Variants in MYCN observed in about 807,000 individuals in gnomAD.
The protein encoded by MYCN is N-myc proto-oncogene protein.
Under a neutral mutation model 28.1 loss-of-function variants are expected in MYCN, and 3 were observed. The ratio of observed to expected loss-of-function variants is 0.11; its 90% CI spans 0.05 to 0.28. The LOEUF (loss-of-function observed/expected upper bound fraction) is 0.28, where lower values mean the gene tolerates loss of function less well. Among genes scored for constraint, MYCN ranks in the 10% least tolerant of loss-of-function variants. The probability of loss-of-function intolerance (pLI) is 1.00; values close to 1 mark genes in which losing one functional copy is unlikely to be tolerated. For missense variants in MYCN, 572 were observed against 651.4 expected, an observed-to-expected ratio of 0.88 and a Z score of 1.33; for synonymous variants, 326 against 288.3, an observed-to-expected ratio of 1.13 and a Z score of -1.32.
Position 15,945,911 on chromosome 2 carries a change from G to A in MYCN, c.1209G>A (p.Thr403=), listed in dbSNP as rs965818257. 5 of 1,614,108 alleles carry A rather than the reference G, an allele frequency of 3.1e-6. No individual in the cohort carries two copies. Among genetic ancestry groups the A allele is most frequent in the South Asian group, 1.1e-5 (1 of 91,078 alleles). The part of the protein sequence containing the change: ...RRNDLRSSFL[T]LRDHVPELVK... ...ACGACCTTCGGTCCAGCTTTCTCAC[G>A]CTCAGGGACCACGTGCCGGAGTTGG... The change falls in exon 3 of 3, where the codon ACG becomes ACA. Residue 403 remains threonine, a synonymous_variant. Coordinates refer to ENST00000281043, the MANE Select transcript of MYCN (RefSeq NM_005378.6). The surrounding 1 kb of genome is among the most constrained non-coding windows in gnomAD (Gnocchi z 4.8).
chr2:15,945,716 C>T lies in MYCN; in HGVS notation c.1014C>T (p.Tyr338=), dbSNP rs367962377. 18 of 1,613,930 alleles carry T rather than the reference C, an allele frequency of 1.1e-5. No homozygotes were observed. Among genetic ancestry groups the T allele is most frequent in the Admixed American group, 3.3e-5 (2 of 60,000 alleles). The change falls in exon 3 of 3, where the codon TAC becomes TAT. Residue 338 remains tyrosine (Y), a synonymous_variant. Transcript: ENST00000281043. The surrounding 1 kb of genome is among the most constrained non-coding windows in gnomAD (Gnocchi z 4.8). ...ACAACTATGCCGCCCCCTCTCCCTA[C>T]GTGGAGAGTGAGGATGCACCCCCAC... The part of the protein sequence containing the change: ...QQHNYAAPSP[Y]VESEDAPPQK...
At position 15,942,369 on chromosome 2, in the gene MYCN, T is replaced by C; in HGVS notation, c.305T>C (p.Leu102Pro). The C allele has an allele frequency of 6.2e-7, 1 of 1,607,250 alleles. No homozygotes were observed. Among genetic ancestry groups the C allele is most frequent in the Non-Finnish European group, 8.5e-7 (1 of 1,178,096 alleles). ...AEEDAFGLGGLGGLTPNPVIL... is the reference protein window; with the variant it reads ...AEEDAFGLGGPGGLTPNPVIL... Reference sequence around the variant, plus strand: ...GAGGACGCGTTCGGCCTGGGGGGACTGGGTGGCCTCACCCCCAACCCGGTC... The same window carrying C: ...GAGGACGCGTTCGGCCTGGGGGGACCGGGTGGCCTCACCCCCAACCCGGTC... The change falls in exon 2 of 3, where the codon CTG (leucine) becomes CCG (proline). Residue 102 changes from leucine (L) to proline (P), a missense_variant. By Grantham distance (98) the Leu-to-Pro change is moderately conservative (BLOSUM62 -3). Transcript: ENST00000281043. The surrounding 1 kb of genome is among the most constrained non-coding windows in gnomAD (Gnocchi z 7.0).
In MYCN at chr2:15,946,371, GA is replaced by G; in HGVS notation, c.*276del. ...ACGGTTGGGAGCCTCTGGGGCTGTT[GA>G]AGTCACCTTGTGTGTTCCAAGTTTC... On this transcript the variant is annotated 3_prime_UTR_variant, in exon 3 of 3. Coordinates refer to ENST00000281043, the MANE Select transcript of MYCN (RefSeq NM_005378.6). 7.7e-6 allele frequency: 4 copies of G among 519,136 alleles called. No homozygotes were observed. The highest frequency in any genetic ancestry group is 1.4e-5 in the Non-Finnish European group (4 of 286,216). 32.2% of individuals were successfully genotyped at this position (519,136 alleles called of 1,614,324 possible). A position where few individuals can be genotyped will look rare whatever the true frequency, so the allele number is the denominator to read the frequency against.
rs1273102078 is a variant in MYCN, at chr2:15,941,747, C to G, written c.-117-201C>G. On this transcript the variant is annotated intron_variant, in intron 1 of 2. Transcript: ENST00000281043. This position sits in a 1 kb window ranked among gnomAD's most constrained non-coding sequence, Gnocchi z 4.8. ...CTGCATCTGCATGCCCCCTCCCACC[C>G]CCTGTCGTAGACAGCTTGTACACAA... 2.0e-6 allele frequency: 1 copy of G among 496,818 alleles called. No homozygotes were observed. Among genetic ancestry groups the G allele is most frequent in the Non-Finnish European group, 3.6e-6 (1 of 275,330 alleles). 30.8% of individuals were successfully genotyped at this position (496,818 alleles called of 1,614,324 possible). A position where few individuals can be genotyped will look rare whatever the true frequency, so the allele number is the denominator to read the frequency against.
In MYCN at chr2:15,945,180, A is replaced by G. The variant is rs1031725899; in HGVS notation, c.791-313A>G. ...ACACCCAGCAAAGTTTTGTATTTTT[A>G]GTAGAGACAGGGTTTCACCATGTTG... On this transcript the variant is annotated intron_variant, in intron 2 of 2. Transcript: ENST00000281043. The surrounding 1 kb of genome is among the most constrained non-coding windows in gnomAD (Gnocchi z 4.8). 6.6e-6 allele frequency among the ~76,000 whole-genome samples: 1 copy of G among 152,002 alleles called. No individual in the cohort carries two copies. The highest frequency in any genetic ancestry group is 2.4e-5 in the African/African-American group (1 of 41,386).
rs1662883131 is a variant in MYCN, at chr2:15,946,691, C to G, written c.*594C>G. The G allele has an allele frequency of 4.3e-6, 1 of 233,960 alleles. No homozygotes were observed. The highest frequency in any genetic ancestry group is 2.2e-5 in the African/African-American group (1 of 45,188). The allele number at this position is 233,960 out of a possible 1,614,324, so 14.5% of individuals were successfully genotyped here. A position where few individuals can be genotyped will look rare whatever the true frequency, so the allele number is the denominator to read the frequency against. On this transcript the variant is annotated 3_prime_UTR_variant, in exon 3 of 3. Transcript: ENST00000281043. ...TACTAATTCTTACACTGCCTGTATA[C>G]TTTAGTATGACGCTGATACATAACT...
chr2:15,946,491 C>T lies in MYCN; in HGVS notation c.*394C>T, dbSNP rs141300189. Reference sequence around the variant, plus strand: ...TTTGCCATTTGATACCCCTGGGGAACATTTCTGTAAATACCATTGACACAT... The same window carrying T: ...TTTGCCATTTGATACCCCTGGGGAATATTTCTGTAAATACCATTGACACAT... On this transcript the variant is annotated 3_prime_UTR_variant, in exon 3 of 3. Transcript: ENST00000281043. The T allele has an allele frequency of 1.0e-3, 400 of 387,224 alleles. 6 individuals carry two copies. In the East Asian group the frequency reaches 0.017, roughly 17 times the overall value. The allele number at this position is 387,224 out of a possible 1,614,324, so 24.0% of individuals were successfully genotyped here. A position where few individuals can be genotyped will look rare whatever the true frequency, so the allele number is the denominator to read the frequency against.
chr2:15,941,807 C>T lies in MYCN; in HGVS notation c.-117-141C>T. 1 of 589,350 alleles carries T rather than the reference C, an allele frequency of 1.7e-6. No homozygotes were observed. The highest frequency in any genetic ancestry group is 1.9e-5 in the African/African-American group (1 of 53,770). The allele number at this position is 589,350 out of a possible 1,614,324, so 36.5% of individuals were successfully genotyped here. ...GGGAGGGAGGGAGCGAGAGGCACAACTTCCTCCACCTTCGGGAGCAGTGGG... is the reference window on the plus strand; with the variant it reads ...GGGAGGGAGGGAGCGAGAGGCACAATTTCCTCCACCTTCGGGAGCAGTGGG... On this transcript the variant is annotated intron_variant, in intron 1 of 2. Coordinates refer to ENST00000281043, the MANE Select transcript of MYCN (RefSeq NM_005378.6). This position sits in a 1 kb window ranked among gnomAD's most constrained non-coding sequence, Gnocchi z 4.8.
In MYCN at chr2:15,941,216, C is replaced by T. The variant is rs1166314039; in HGVS notation, c.-118+473C>T. The T allele has an allele frequency of 6.5e-6, 1 of 153,236 alleles. No homozygotes were observed. The highest frequency in any genetic ancestry group is 6.5e-5 in the Admixed American group (1 of 15,304). 9.5% of individuals were successfully genotyped at this position (153,236 alleles called of 1,614,324 possible). A position where few individuals can be genotyped will look rare whatever the true frequency, so the allele number is the denominator to read the frequency against. ...CCCGGCGACCCTCCTCGCGCGGGCGCCCCTGCCATTCCCGGGAACAGGGGC... is the reference window on the plus strand; with the variant it reads ...CCCGGCGACCCTCCTCGCGCGGGCGTCCCTGCCATTCCCGGGAACAGGGGC... On this transcript the variant is annotated intron_variant, in intron 1 of 2. Coordinates refer to ENST00000281043, the MANE Select transcript of MYCN (RefSeq NM_005378.6). This position sits in a 1 kb window ranked among gnomAD's most constrained non-coding sequence, Gnocchi z 4.8.
Position 15,942,942 on chromosome 2 carries a change from T to G in MYCN, c.790+88T>G. 1 of 1,465,766 alleles carries G rather than the reference T, an allele frequency of 6.8e-7. No homozygotes were observed. The highest frequency in any genetic ancestry group is 9.1e-7 in the Non-Finnish European group (1 of 1,098,446). 90.8% of individuals were successfully genotyped at this position (1,465,766 alleles called of 1,614,324 possible). A position where few individuals can be genotyped will look rare whatever the true frequency, so the allele number is the denominator to read the frequency against. On this transcript the variant is annotated intron_variant, in intron 2 of 2. Transcript: ENST00000281043. The surrounding 1 kb of genome is among the most constrained non-coding windows in gnomAD (Gnocchi z 7.0). ...TTGTTAGTGCTCGTATGTCTTGGCC[T>G]GGGGAGCATTTTGGAGGCAGTGCTA...
At position 15,946,667 on chromosome 2, in the gene MYCN, ACTAATT is replaced by A; in HGVS notation, c.*573_*578del. 1 of 241,850 alleles carries A rather than the reference ACTAATT, an allele frequency of 4.1e-6. No individual in the cohort carries two copies. The highest frequency in any genetic ancestry group is 5.9e-5 in the East Asian group (1 of 16,978). 15.0% of individuals were successfully genotyped at this position (241,850 alleles called of 1,614,324 possible). On this transcript the variant is annotated 3_prime_UTR_variant, in exon 3 of 3. Coordinates refer to ENST00000281043, the MANE Select transcript of MYCN (RefSeq NM_005378.6). The stretch of plus-strand genomic sequence containing the variant: ...ATTGTTAATCTCTGTTATGTACTGT[ACTAATT>A]CTTACACTGCCTGTATACTTTAGTA...
chr2:15,941,566 T>G lies in MYCN; in HGVS notation c.-117-382T>G. ...TAGCTGGGTCGGAGAGCCTGGGGCT[T>G]CCCCTGAGCAGCCGGCCCCACACCG... On this transcript the variant is annotated intron_variant, in intron 1 of 2. Coordinates refer to ENST00000281043, the MANE Select transcript of MYCN (RefSeq NM_005378.6). The surrounding 1 kb of genome is among the most constrained non-coding windows in gnomAD (Gnocchi z 4.8). 1 of 199,460 alleles carries G rather than the reference T, an allele frequency of 5.0e-6. No individual in the cohort carries two copies. The highest frequency in any genetic ancestry group is 1.0e-5 in the Non-Finnish European group (1 of 96,268). The allele number at this position is 199,460 out of a possible 1,614,324, so 12.4% of individuals were successfully genotyped here. A position where few individuals can be genotyped will look rare whatever the true frequency, so the allele number is the denominator to read the frequency against.
In MYCN at chr2:15,945,468, A is replaced by G. The variant is rs1338152613; in HGVS notation, c.791-25A>G. 7 of 1,578,554 alleles carry G rather than the reference A, an allele frequency of 4.4e-6. No homozygotes were observed. Among genetic ancestry groups the G allele is most frequent in the African/African-American group, 4.0e-5 (3 of 74,238 alleles). ...ATTTCATTCAAATGGTTCTCACATG[A>G]GAGTAACTAGCATCTTTCTCTCAGA... is the stretch of plus-strand genomic sequence containing the variant. On this transcript the variant is annotated intron_variant, in intron 2 of 2. Coordinates refer to ENST00000281043, the MANE Select transcript of MYCN (RefSeq NM_005378.6). The surrounding 1 kb of genome is among the most constrained non-coding windows in gnomAD (Gnocchi z 4.8).
rs1662749296 is a variant in MYCN at position 15,942,943 on chromosome 2, G to A, written c.790+89G>A. 1.3e-5 allele frequency: 19 copies of A among 1,466,898 alleles called. No individual in the cohort carries two copies. Among genetic ancestry groups the A allele is most frequent in the Non-Finnish European group, 1.6e-5 (18 of 1,099,340 alleles). 90.9% of individuals were successfully genotyped at this position (1,466,898 alleles called of 1,614,324 possible). ...TGTTAGTGCTCGTATGTCTTGGCCT[G>A]GGGAGCATTTTGGAGGCAGTGCTAG... On this transcript the variant is annotated intron_variant, in intron 2 of 2. Transcript: ENST00000281043. The surrounding 1 kb of genome is among the most constrained non-coding windows in gnomAD (Gnocchi z 7.0).
At chr2:15,944,158 G>A (rs1662796104) in intron 2 of MYCN, among the ~76,000 whole-genome samples, 1 of 152,168 alleles carries the variant, frequency 6.6e-6, no homozygotes, top group Non-Finnish European at 1.5e-5. Context: ...TTGGCTTAAA[G>A]GGACCCACAG....
rs895901722 is a variant in MYCN, at chr2:15,945,398, G to A, written c.791-95G>A. ...AAATAGCAGTCTGCCAGGGTCTGCCGGAAGAGACAGATAAGCATACATATT... is the reference window on the plus strand; with the variant it reads ...AAATAGCAGTCTGCCAGGGTCTGCCAGAAGAGACAGATAAGCATACATATT... On this transcript the variant is annotated intron_variant, in intron 2 of 2. Coordinates refer to ENST00000281043, the MANE Select transcript of MYCN (RefSeq NM_005378.6). The surrounding 1 kb of genome is among the most constrained non-coding windows in gnomAD (Gnocchi z 4.8). 1.7e-5 allele frequency: 24 copies of A among 1,436,554 alleles called. No homozygotes were observed. The highest frequency in any genetic ancestry group is 2.3e-4 in the Middle Eastern group (1 of 4,256). The allele number at this position is 1,436,554 out of a possible 1,614,324, so 89.0% of individuals were successfully genotyped here.
rs868712642 is a variant in MYCN at position 15,942,699 on chromosome 2, C to A, written c.635C>A (p.Ala212Asp). Residue 212 changes from alanine to aspartate, a missense_variant, in exon 2 of 3, where the codon GCC becomes GAC. Transcript: ENST00000281043. The surrounding 1 kb of genome is among the most constrained non-coding windows in gnomAD (Gnocchi z 7.0). ...CCCGTGCCCGCAGCCCCGGCCAGTG[C>A]CCCGGCGGCGGGCCCTGCGGTCGCC... ...PAPVPAAPAS[A>D]PAAGPAVASG... 5 of 1,184,368 alleles carry A rather than the reference C, an allele frequency of 4.2e-6. No homozygotes were observed. The African/African-American group carries it at 8.0e-5, about 19-fold the overall frequency. 73.4% of individuals were successfully genotyped at this position (1,184,368 alleles called of 1,614,324 possible). A position where few individuals can be genotyped will look rare whatever the true frequency, so the allele number is the denominator to read the frequency against.
Position 15,942,319 on chromosome 2 carries a change from C to A in MYCN, c.255C>A (p.Asn85Lys), listed in dbSNP as rs747547602. 2 of 1,608,786 alleles carry A rather than the reference C, an allele frequency of 1.2e-6. No individual in the cohort carries two copies. The highest frequency in any genetic ancestry group is 4.5e-5 in the East Asian group (2 of 44,696). Residue 85 changes from asparagine (N) to lysine (K), a missense_variant, in exon 2 of 3, where the codon AAC becomes AAA. Physicochemically the swap from Asn to Lys is moderately conservative, Grantham distance 94. This residue lies in a region of MYCN where 499 missense variants were observed against 524.3 expected (regional missense o/e 0.95). Coordinates refer to ENST00000281043, the MANE Select transcript of MYCN (RefSeq NM_005378.6). This position sits in a 1 kb window ranked among gnomAD's most constrained non-coding sequence, Gnocchi z 7.0. ...PSWVTEMLLE[N>K]ELWGSPAEED... is the part of the protein sequence containing the mutation. ...GGGTCACGGAGATGCTGCTTGAGAACGAGCTGTGGGGCAGCCCGGCCGAGG... is the reference window on the plus strand; with the variant it reads ...GGGTCACGGAGATGCTGCTTGAGAAAGAGCTGTGGGGCAGCCCGGCCGAGG...
intron 2 of MYCN, among the ~76,000 whole-genome samples, chr2:15,943,206 T>C (rs1051543501): frequency 2.0e-5 from 3 of 151,158 alleles, no homozygotes; most frequent in Admixed American, 2.0e-4. Context: ...CGGGTGGGGG[T>C]TTAGGGGGTT....
Sources: gnomAD v4.1 joint callset for allele counts (sites outside exome capture counted in the v4.1 genomes callset) on GRCh38, gnomAD v4.1.1 for gene constraint, gnomAD v4.1.1 regional missense constraint, Gnocchi (gnomAD v3.1) non-coding constraint, MANE v1.5 for transcripts, NCBI Gene and HGNC (gene_info 2026-07-23, HGNC 2026-07-21) for gene names.